The following HS3ST4 variants were observed in gnomAD, a reference collection of about 807,000 sequenced individuals.
HS3ST4 encodes heparan sulfate-glucosamine 3-sulfotransferase 4, also known as heparan sulfate glucosamine 3-O-sulfotransferase 4.
In HS3ST4, 17 loss-of-function variants were observed where a neutral mutation model predicts 29.2. That is an observed-to-expected ratio of 0.58 (90% CI 0.40 to 0.87). The LOEUF (loss-of-function observed/expected upper bound fraction) is 0.87. Ranked by LOEUF, HS3ST4 falls within the 40% of genes least tolerant of loss-of-function variation. HS3ST4 has a pLI of 0.00. For synonymous variants in HS3ST4, 314 were observed against 285.7 expected (o/e 1.10, Z -1.00); for missense variants, 627 against 634.5 (o/e 0.99, Z 0.13).
At chr16:25,965,098 G>T (rs60949977) in intron 1 of HS3ST4, among the ~76,000 whole-genome samples, 12,383 of 152,180 alleles carry the variant, frequency 0.081, 712 homozygotes, top group African/African-American at 0.14. Flanking sequence ...GTTCAGTTCT[G>T]GAGATGCGCA....
chr16:26,092,269 T>C (rs1411886934), intron 1 of HS3ST4, among the ~76,000 whole-genome samples: 3 of 152,110 alleles, frequency 2.0e-5, no homozygotes, highest in Admixed American at 2.0e-4. Context: ...AAAATAGCCT[T>C]CTCCACAGGA....
chr16:25,879,326 C>T (rs140056347), intron 1 of HS3ST4, among the ~76,000 whole-genome samples: 4 of 152,144 alleles, frequency 2.6e-5, no homozygotes, highest in East Asian at 1.9e-4. Context: ...TGTATTAGTC[C>T]GTTTTCATGT....
In HS3ST4 at chr16:25,822,154, C is replaced by T. The variant is rs546286077; in HGVS notation, c.734+129003C>T. Among the ~76,000 whole-genome samples, 5 of 152,232 alleles carry T rather than the reference C, an allele frequency of 3.3e-5. No homozygotes were observed. In the East Asian group the frequency reaches 9.7e-4, roughly 29 times the overall value. On this transcript the variant is annotated intron_variant, in intron 1 of 1. Coordinates refer to ENST00000331351, the MANE Select transcript of HS3ST4 (RefSeq NM_006040.3). ...TTCATTGGGGGCTCTTATAACAAAACACTGTAAACCTTGTGGCTTGTAAAC... is the reference window on the plus strand; with the variant it reads ...TTCATTGGGGGCTCTTATAACAAAATACTGTAAACCTTGTGGCTTGTAAAC...
chr16:25,925,816 A>G (rs1968396431), intron 1 of HS3ST4, among the ~76,000 whole-genome samples: 1 of 152,132 alleles, frequency 6.6e-6, no homozygotes, highest in East Asian at 1.9e-4. Context: ...GTTCCTGGAA[A>G]GCCCCATGCC....
chr16:26,018,398 A>ACTTT (rs1969381071), intron 1 of HS3ST4, among the ~76,000 whole-genome samples: 1 of 152,114 alleles, frequency 6.6e-6, no homozygotes, highest in South Asian at 2.1e-4. Context: ...AATTCAGAGG[A>ACTTT]CTTTCATTTA....
chr16:25,930,258 C>T (rs573551434), intron 1 of HS3ST4, among the ~76,000 whole-genome samples: 4 of 152,168 alleles, frequency 2.6e-5, no homozygotes, highest in Non-Finnish European at 5.9e-5. Flanking sequence ...AGTGGCCTCA[C>T]CTAAAGGATA....
chr16:25,961,935 A>C (rs1371925602), intron 1 of HS3ST4, among the ~76,000 whole-genome samples: 1 of 152,212 alleles, frequency 6.6e-6, no homozygotes, highest in Non-Finnish European at 1.5e-5. Context: ...TTTCTCTGAA[A>C]CTGTGAAGAA....
At chr16:25,952,605 C>T (rs553328596) in intron 1 of HS3ST4, among the ~76,000 whole-genome samples, 1 of 152,184 alleles carries the variant, frequency 6.6e-6, no homozygotes, top group Non-Finnish European at 1.5e-5. Context: ...ATCACAGGCA[C>T]TCAGCACAGG....
chr16:25,828,242 CTCTTTCTT>C (rs1174433355), intron 1 of HS3ST4, among the ~76,000 whole-genome samples: 224 of 74,932 alleles, frequency 3.0e-3, no homozygotes, highest in Middle Eastern at 7.1e-3. Context: ...TTCTTTCTTT[CTCTTTCTT>C]TCTTTCTTTC....
intron 1 of HS3ST4, among the ~76,000 whole-genome samples, chr16:25,771,782 C>T (rs942655195): frequency 6.6e-6 from 1 of 152,116 alleles, no homozygotes; most frequent in African/African-American, 2.4e-5. Flanking sequence ...TGCTCAAGGG[C>T]TTAATAAATA....
chr16:26,131,943 A>G (rs549714845), intron 1 of HS3ST4, among the ~76,000 whole-genome samples: 1 of 152,278 alleles, frequency 6.6e-6, no homozygotes, highest in Admixed American at 6.5e-5. Context: ...TTGCTCAGCC[A>G]CTCAACTTAG....
At chr16:25,723,219 C>T (rs946498097) in intron 1 of HS3ST4, among the ~76,000 whole-genome samples, 1 of 152,054 alleles carries the variant, frequency 6.6e-6, no homozygotes, top group Admixed American at 6.5e-5. Flanking sequence ...ATGCAAAGCT[C>T]TAGAAAATAA....
At chr16:25,746,875 G>T (rs1966688916) in intron 1 of HS3ST4, among the ~76,000 whole-genome samples, 1 of 151,712 alleles carries the variant, frequency 6.6e-6, no homozygotes, top group Non-Finnish European at 1.5e-5. Context: ...TAGAGAGGGG[G>T]TCTTGCTCCA....
At chr16:26,108,728 G>T (rs1175641814) in intron 1 of HS3ST4, among the ~76,000 whole-genome samples, 1 of 152,182 alleles carries the variant, frequency 6.6e-6, no homozygotes, top group South Asian at 2.1e-4. Flanking sequence ...ACAATTGTTG[G>T]TATGAGTAAG....
At chr16:25,706,096 A>G (rs1290121027) in intron 1 of HS3ST4, among the ~76,000 whole-genome samples, 1 of 152,200 alleles carries the variant, frequency 6.6e-6, no homozygotes, top group Non-Finnish European at 1.5e-5. Flanking sequence ...CTGCGTAAAG[A>G]TCTGGGGAAT....
intron 1 of HS3ST4, among the ~76,000 whole-genome samples, chr16:26,027,493 C>A (rs571522553): frequency 6.6e-6 from 1 of 152,298 alleles, no homozygotes; most frequent in South Asian, 2.1e-4. Flanking sequence ...ACATTTACTT[C>A]TCCTTCTTGA....
At chr16:26,114,017 A>T (rs1899170014) in intron 1 of HS3ST4, among the ~76,000 whole-genome samples, 1 of 152,178 alleles carries the variant, frequency 6.6e-6, no homozygotes, top group Non-Finnish European at 1.5e-5. Context: ...CATGCTGTGA[A>T]CAAGGTTTGG....
At chr16:25,981,382 T>C (rs1172260407) in intron 1 of HS3ST4, among the ~76,000 whole-genome samples, 1 of 151,578 alleles carries the variant, frequency 6.6e-6, no homozygotes, top group Non-Finnish European at 1.5e-5. Flanking sequence ...GGGTTTGGAA[T>C]TGGTTGGTTT....
At chr16:25,766,845 G>C (rs1157455797) in intron 1 of HS3ST4, among the ~76,000 whole-genome samples, 1 of 152,136 alleles carries the variant, frequency 6.6e-6, no homozygotes, top group African/African-American at 2.4e-5. Flanking sequence ...AAGTAAGAGG[G>C]TCCTGTCATC....
Sources: allele counts gnomAD v4.1 joint callset (sites outside exome capture counted in the v4.1 genomes callset), GRCh38; gene constraint gnomAD v4.1.1; transcripts MANE v1.5; gene names NCBI Gene and HGNC (gene_info 2026-07-23, HGNC 2026-07-21).